EPHA6: variants seen among roughly 807,000 people sequenced by gnomAD.
EPHA6 encodes ephrin type-A receptor 6.
Under a neutral mutation model 112.0 loss-of-function variants are expected in EPHA6, and 50 were observed. The ratio of observed to expected loss-of-function variants is 0.45; its 90% CI spans 0.36 to 0.56. The LOEUF is 0.56. EPHA6 is among the 20% of genes least tolerant of loss of function. The pLI is 0.00. For missense variants in EPHA6, 1,280 were observed against 1,417.4 expected (o/e 0.90, Z 1.56); for synonymous variants, 529 against 490.7 (o/e 1.08, Z -1.03).
In EPHA6 at chr3:96,814,825, G is replaced by A; in HGVS notation, c.202G>A (p.Asp68Asn). Residue 68 changes from aspartate to asparagine, a missense_variant, in exon 1 of 18, where the codon GAC (aspartate) becomes AAC (asparagine). Asp to Asn is a conservative substitution (Grantham distance 23). This residue lies in a region of EPHA6 where 220 missense variants were observed against 171.5 expected (regional missense o/e 1.28). Coordinates refer to ENST00000389672, the MANE Select transcript of EPHA6 (RefSeq NM_001080448.3). Reference protein sequence around the residue: ...EEEEEEDVDKDPHPTQNTCLR... With the variant: ...EEEEEEDVDKNPHPTQNTCLR... ...GGAGGAGGAAGAAGACGTGGACAAG[G>A]ACCCCCATCCTACCCAGAACACCTG... The A allele has an allele frequency of 6.3e-7, 1 of 1,589,576 alleles. No homozygotes were observed. The highest frequency in any genetic ancestry group is 1.8e-5 in the Admixed American group (1 of 55,728).
At chr3:97,681,500 C>A (rs1032722059) in intron 14 of EPHA6, among the ~76,000 whole-genome samples, 15 of 152,018 alleles carry the variant, frequency 9.9e-5, no homozygotes, top group Admixed American at 9.8e-4. Flanking sequence ...ATTATACATT[C>A]ATAGCATGGA....
intron 11 of EPHA6, among the ~76,000 whole-genome samples, chr3:97,586,544 A>G (rs993777137): frequency 2.7e-5 from 4 of 147,424 alleles, no homozygotes; most frequent in African/African-American, 9.9e-5. Flanking sequence ...TACTATAACT[A>G]AAAAAAAAAG....
rs1034565979 is a variant in EPHA6 at position 96,958,911 on chromosome 3, T to C, written c.451-28419T>C. Among the ~76,000 whole-genome samples, 36 of 152,358 alleles carry C rather than the reference T, an allele frequency of 2.4e-4. 1 individual carries two copies. Among genetic ancestry groups the C allele is most frequent in the African/African-American group, 6.3e-4 (26 of 41,592 alleles). The stretch of plus-strand genomic sequence containing the variant: ...ATATCACATTTTATTTATGCATTCA[T>C]CAGTTGATGACATTGAGTTGTTTTC... On this transcript the variant is annotated intron_variant, in intron 2 of 17. Transcript: ENST00000389672.
intron 2 of EPHA6, among the ~76,000 whole-genome samples, chr3:96,921,152 T>C (rs2039741032): frequency 6.6e-6 from 1 of 152,076 alleles, no homozygotes; most frequent in African/African-American, 2.4e-5. Context: ...AAAAACTCAA[T>C]TATGGTAGTG....
chr3:97,366,307 T>G (rs1321216789), intron 5 of EPHA6, among the ~76,000 whole-genome samples: 1 of 152,190 alleles, frequency 6.6e-6, no homozygotes. Flanking sequence ...AATTAATTAA[T>G]TACTTCAGCA....
At chr3:97,538,926 T>C (rs138504483) in intron 11 of EPHA6, among the ~76,000 whole-genome samples, 1 of 152,298 alleles carries the variant, frequency 6.6e-6, no homozygotes, top group African/African-American at 2.4e-5. Flanking sequence ...CAGTTAATCA[T>C]TAATCTAGTA....
intron 3 of EPHA6, among the ~76,000 whole-genome samples, chr3:97,158,262 AAC>A (rs984405458): frequency 1.3e-5 from 2 of 152,108 alleles, no homozygotes; most frequent in Non-Finnish European, 2.9e-5. Context: ...TCTGTCTGTA[AAC>A]ACACACACAC....
intron 10 of EPHA6, among the ~76,000 whole-genome samples, chr3:97,497,680 C>T (rs1335378911): frequency 1.3e-5 from 2 of 151,930 alleles, no homozygotes; most frequent in Non-Finnish European, 2.9e-5. Context: ...GTTTATTTAT[C>T]TATTAAATGA....
intron 2 of EPHA6, among the ~76,000 whole-genome samples, chr3:96,935,138 T>G (rs1171953469): frequency 6.6e-6 from 1 of 151,858 alleles, no homozygotes; most frequent in African/African-American, 2.4e-5. Context: ...ACCATGTTCG[T>G]TTTCACTAAA....
intron 13 of EPHA6, among the ~76,000 whole-genome samples, chr3:97,617,780 G>C (rs1304596830): frequency 6.6e-6 from 1 of 152,146 alleles, no homozygotes; most frequent in Non-Finnish European, 1.5e-5. Context: ...GATTCATAAA[G>C]CAAGTTATCA....
At chr3:97,324,411 T>TTCTTTCTTTC (rs2082276035) in intron 5 of EPHA6, among the ~76,000 whole-genome samples, 1 of 117,248 alleles carries the variant, frequency 8.5e-6, no homozygotes, top group African/African-American at 3.3e-5. Context: ...CTTCTTTTCT[T>TTCTTTCTTTC]TCTTTCTTTC....
chr3:96,844,850 A>G (rs571755292), intron 1 of EPHA6, among the ~76,000 whole-genome samples: 10 of 152,096 alleles, frequency 6.6e-5, no homozygotes, highest in African/African-American at 2.2e-4. Flanking sequence ...GTCAACCAGG[A>G]TGATCCCAGC....
intron 6 of EPHA6, among the ~76,000 whole-genome samples, chr3:97,406,908 G>A (rs921473509): frequency 6.6e-6 from 1 of 151,984 alleles, no homozygotes; most frequent in African/African-American, 2.4e-5. Context: ...TCTGTTGACT[G>A]GTTTAAATAT....
chr3:97,530,160 GA>G (rs1399967194), intron 10 of EPHA6, among the ~76,000 whole-genome samples: 1 of 151,952 alleles, frequency 6.6e-6, no homozygotes, highest in African/African-American at 2.4e-5. Context: ...AGTGATCTGA[GA>G]ATCAATTTCA....
intron 4 of EPHA6, among the ~76,000 whole-genome samples, chr3:97,241,288 A>G (rs1426275663): frequency 6.6e-6 from 1 of 151,884 alleles, no homozygotes; most frequent in East Asian, 1.9e-4. Context: ...GCTAGTTTCA[A>G]ATCAGAATAA....
intron 7 of EPHA6, among the ~76,000 whole-genome samples, chr3:97,459,801 G>A (rs1035801776): frequency 5.3e-5 from 8 of 152,132 alleles, no homozygotes; most frequent in African/African-American, 1.9e-4. Flanking sequence ...ACCTACTGAA[G>A]GTGCTAGAAC....
chr3:96,870,891 T>C (rs1174161209), intron 2 of EPHA6, among the ~76,000 whole-genome samples: 1 of 152,056 alleles, frequency 6.6e-6, no homozygotes, highest in East Asian at 1.9e-4. Context: ...ATATATTTCA[T>C]ATAGTAAGAA....
Position 96,815,022 on chromosome 3 carries a change from C to A in EPHA6, c.385+14C>A. On this transcript the variant is annotated intron_variant, in intron 1 of 17. Coordinates refer to ENST00000389672, the MANE Select transcript of EPHA6 (RefSeq NM_001080448.3). ...CCAACAACCAAGGTAAGGGACGGGG[C>A]GGAGGAGCGGGAGTGGGTGGGAGGA... 1.3e-6 allele frequency: 2 copies of A among 1,491,940 alleles called. No homozygotes were observed. The highest frequency in any genetic ancestry group is 9.0e-7 in the Non-Finnish European group (1 of 1,113,562). The allele number at this position is 1,491,940 out of a possible 1,614,324, so 92.4% of individuals were successfully genotyped here. A position where few individuals can be genotyped will look rare whatever the true frequency, so the allele number is the denominator to read the frequency against.
intron 3 of EPHA6, among the ~76,000 whole-genome samples, chr3:97,210,744 A>G (rs1211101998): frequency 2.0e-5 from 3 of 152,182 alleles, no homozygotes; most frequent in Non-Finnish European, 4.4e-5. Flanking sequence ...AAATTTAATG[A>G]CTTAAGACAA....
Sources: gnomAD v4.1 joint callset for allele counts (sites outside exome capture counted in the v4.1 genomes callset) on GRCh38, gnomAD v4.1.1 for gene constraint, gnomAD v4.1.1 regional missense constraint, MANE v1.5 for transcripts, NCBI Gene and HGNC (gene_info 2026-07-23, HGNC 2026-07-21) for gene names.